Variants in GARS1 observed in about 807,000 individuals in gnomAD.
The protein encoded by GARS1 is glycine--tRNA ligase.
A neutral mutation model predicts 86.4 loss-of-function variants in GARS1; 46 were observed. That is an observed-to-expected ratio of 0.53 (90% CI 0.42 to 0.68). The LOEUF (loss-of-function observed/expected upper bound fraction) is 0.68. GARS1 is among the 30% of genes least tolerant of loss of function. The pLI is 0.00. For synonymous variants in GARS1, 342 were observed against 329.8 expected, an observed-to-expected ratio of 1.04 and a Z score of -0.40; for missense variants, 797 against 915.6, an observed-to-expected ratio of 0.87 and a Z score of 1.67.
chr7:30,631,705 G>T (rs1224493928), intron 15 of GARS1, among the ~76,000 whole-genome samples, 164 bp downstream of exon 15: 1 of 152,214 alleles, frequency 6.6e-6, no homozygotes, highest in Non-Finnish European at 1.5e-5. Flanking sequence ...CTAAGCGAGA[G>T]GATATGCTTG....
intron 6 of GARS1, among the ~76,000 whole-genome samples, chr7:30,607,146 T>A (rs986505416): frequency 2.0e-5 from 3 of 152,218 alleles, no homozygotes; most frequent in Non-Finnish European, 4.4e-5. Flanking sequence ...GTATTTAAAG[T>A]CACTTGGAGT....
chr7:30,611,739 C>T (rs189973662), intron 7 of GARS1, among the ~76,000 whole-genome samples: 27 of 152,206 alleles, frequency 1.8e-4, no homozygotes, highest in Non-Finnish European at 3.2e-4. Flanking sequence ...CCACTTCAGC[C>T]TCCCAAAGTG....
Position 30,621,433 on chromosome 7 carries a change from A to T in GARS1, c.1400A>T (p.Tyr467Phe). ...EIVGCADRSC[Y>F]DLSCHARATK... ...GTTGGATGTGCTGATCGTTCCTGTTATGACCTCTCCTGTCATGCACGAGCC... is the reference window on the plus strand; with the variant it reads ...GTTGGATGTGCTGATCGTTCCTGTTTTGACCTCTCCTGTCATGCACGAGCC... Residue 467 changes from tyrosine to phenylalanine, a missense_variant, in exon 11 of 17, where the codon TAT becomes TTT. By Grantham distance (22) the Tyr-to-Phe change is conservative. Around this residue, in one of 2 missense-constraint regions of GARS1, gnomAD observed 598 missense variants for 738.7 expected, o/e 0.81. Coordinates refer to ENST00000389266, the MANE Select transcript of GARS1 (RefSeq NM_002047.4). 6.2e-7 allele frequency: 1 copy of T among 1,614,172 alleles called. No homozygotes were observed.
chr7:30,632,328 A>G lies in GARS1; in HGVS notation c.1985A>G (p.Asp662Gly). 1 of 1,614,208 alleles carries G rather than the reference A, an allele frequency of 6.2e-7. No individual in the cohort carries two copies. Among genetic ancestry groups the G allele is most frequent in the South Asian group, 1.1e-5 (1 of 91,080 alleles). Residue 662 changes from aspartate (D) to glycine (G), a missense_variant, in exon 16 of 17, where the codon GAT becomes GGT. Physicochemically the swap from Asp to Gly is moderately conservative, Grantham distance 94 (BLOSUM62 -1). Around this residue, in one of 2 missense-constraint regions of GARS1, gnomAD observed 598 missense variants for 738.7 expected, o/e 0.81. Coordinates refer to ENST00000389266, the MANE Select transcript of GARS1 (RefSeq NM_002047.4). This position sits in a 1 kb window ranked among gnomAD's most constrained non-coding sequence, Gnocchi z 4.1. Reference protein sequence around the residue: ...GSIGRRYARTDEIGVAFGVTI... With the variant: ...GSIGRRYARTGEIGVAFGVTI... The stretch of plus-strand genomic sequence containing the variant: ...ATCGGAAGGCGCTATGCCAGGACTG[A>G]TGAGATTGGCGTGGCTTTTGGTGTC...
intron 7 of GARS1, 68 bp from the exon 8 acceptor site, chr7:30,612,028 A>G: frequency 2.8e-6 from 4 of 1,404,872 alleles, no homozygotes; most frequent in Non-Finnish European, 3.0e-6. Context: ...ATTTGTATCT[A>G]GAATTTCAGG....
intron 1 of GARS1, 24 bp from the exon 2 acceptor site, chr7:30,598,772 A>C: frequency 6.4e-7 from 1 of 1,574,490 alleles, no homozygotes; most frequent in Non-Finnish European, 8.7e-7. Context: ...CCAATCCTGA[A>C]TATAAATTCT....
chr7:30,620,922 G>C (rs1782991058), intron 10 of GARS1, among the ~76,000 whole-genome samples: 1 of 152,264 alleles, frequency 6.6e-6, no homozygotes, highest in Admixed American at 6.5e-5. Flanking sequence ...GCTTTGTCTA[G>C]GTTCACATTT....
At chr7:30,594,847 T>G, upstream of GARS1, 1 of 1,304,126 alleles carries the variant, frequency 7.7e-7, no homozygotes, top group East Asian at 2.6e-5. Context: ...CGCGGCGATT[T>G]CATCATGCTC....
At chr7:30,618,858 C>T (rs1782942656) in intron 10 of GARS1, among the ~76,000 whole-genome samples, 1 of 152,188 alleles carries the variant, frequency 6.6e-6, no homozygotes. Flanking sequence ...AGCAAGCTTG[C>T]TTGACATATG....
intron 4 of GARS1, among the ~76,000 whole-genome samples, chr7:30,601,725 C>A (rs1791380435): frequency 6.6e-6 from 1 of 152,182 alleles, no homozygotes; most frequent in Admixed American, 6.5e-5. Flanking sequence ...TTTAAAGTTT[C>A]AATGCAGAAA....
chr7:30,599,560 G>A (rs1485166972), intron 2 of GARS1, among the ~76,000 whole-genome samples: 1 of 152,028 alleles, frequency 6.6e-6, no homozygotes, highest in Admixed American at 6.5e-5. Flanking sequence ...CCACCACCAA[G>A]CCCAGCTAAT....
intron 7 of GARS1, among the ~76,000 whole-genome samples, chr7:30,609,935 T>C (rs1791563595): frequency 6.6e-6 from 1 of 152,250 alleles, no homozygotes; most frequent in Non-Finnish European, 1.5e-5. Context: ...GGCATATATG[T>C]ATTTTTTTGG....
chr7:30,622,027 A>C, intron 11 of GARS1: 2 of 434,932 alleles, frequency 4.6e-6, no homozygotes, highest in South Asian at 4.4e-5. Context: ...TTTTAGAAAT[A>C]CTTATCAGAA....
intron 10 of GARS1, among the ~76,000 whole-genome samples, chr7:30,619,721 AG>A (rs1325476860): frequency 1.3e-5 from 2 of 151,216 alleles, no homozygotes; most frequent in Non-Finnish European, 2.9e-5. Context: ...GCTTTATTAC[AG>A]ACACCCCATG....
intron 13 of GARS1, among the ~76,000 whole-genome samples, chr7:30,626,679 A>G (rs1562781998): frequency 6.6e-6 from 1 of 152,192 alleles, no homozygotes; most frequent in Non-Finnish European, 1.5e-5. Context: ...TGGCAAAATA[A>G]CTTGTTAAAA....
At chr7:30,608,515 C>T (rs997272431) in intron 6 of GARS1, among the ~76,000 whole-genome samples, 9 of 152,098 alleles carry the variant, frequency 5.9e-5, no homozygotes, top group East Asian at 1.9e-4. Flanking sequence ...GTGGATTCCT[C>T]CTAGAAATTC....
chr7:30,601,021 A>G (rs1331686502), intron 3 of GARS1, 38 bp from the exon 4 acceptor site: 1 of 1,606,626 alleles, frequency 6.2e-7, no homozygotes, highest in Non-Finnish European at 8.5e-7. Flanking sequence ...GTTCAGAGTA[A>G]CAAGGTAAAG....
intron 13 of GARS1, chr7:30,627,100 T>TG (rs1783144656): frequency 2.2e-6 from 1 of 456,668 alleles, no homozygotes; most frequent in South Asian, 1.6e-5. Flanking sequence ...GGAGCACGTA[T>TG]GAAGGATGCT....
rs766031000 is a variant in GARS1, at chr7:30,612,264, T to C, written c.1031+19T>C. The C allele has an allele frequency of 1.9e-6, 3 of 1,611,580 alleles. No homozygotes were observed. Among genetic ancestry groups the C allele is most frequent in the South Asian group, 2.2e-5 (2 of 91,022 alleles). The stretch of plus-strand genomic sequence containing the variant: ...GAGTCAGGTACTGCTCAGGTTACTC[T>C]TACAAATTAGTGAATGACCTTGGCA... On this transcript the variant is annotated intron_variant, in intron 8 of 16. Transcript: ENST00000389266.
Sources: gnomAD v4.1 joint callset for allele counts (sites outside exome capture counted in the v4.1 genomes callset) on GRCh38, gnomAD v4.1.1 for gene constraint, gnomAD v4.1.1 regional missense constraint, Gnocchi (gnomAD v3.1) non-coding constraint, MANE v1.5 for transcripts, NCBI Gene and HGNC (gene_info 2026-07-23, HGNC 2026-07-21) for gene names.